The following IL1RAPL2 variants were observed in gnomAD, a reference collection of about 807,000 sequenced individuals.
The protein encoded by IL1RAPL2 is X-linked interleukin-1 receptor accessory protein-like 2.
IL1RAPL2 carries 3 observed loss-of-function variants against 44.1 expected under a neutral mutation model. That is an observed-to-expected ratio of 0.07 (90% confidence interval 0.03 to 0.18). The LOEUF (loss-of-function observed/expected upper bound fraction) is 0.18, where lower values mean the gene tolerates loss of function less well. Ranked by LOEUF, IL1RAPL2 falls within the 10% of genes least tolerant of loss-of-function variation. The pLI, the probability that IL1RAPL2 is intolerant of heterozygous loss-of-function variation, is 1.00. For missense variants in IL1RAPL2, 391 were observed against 496.4 expected, an observed-to-expected ratio of 0.79 and a Z score of 2.02; for synonymous variants, 181 against 178.8, an observed-to-expected ratio of 1.01 and a Z score of -0.10.
intron 6 of IL1RAPL2, among the ~76,000 whole-genome samples, chrX:105,672,378 A>C (rs1027346889): frequency 6.2e-5 from 7 of 112,521 alleles, no homozygotes; most frequent in African/African-American, 2.3e-4. Flanking sequence ...TTCCACTGAC[A>C]GCCAAAGTGA....
chrX:104,952,644 T>G (rs1358360399), intron 2 of IL1RAPL2, among the ~76,000 whole-genome samples: 2 of 111,718 alleles, frequency 1.8e-5, no homozygotes, highest in Admixed American at 1.9e-4. Flanking sequence ...TATACTAGAT[T>G]ATATGGTAGA....
At chrX:104,676,768 G>T (rs1930769919) in intron 2 of IL1RAPL2, among the ~76,000 whole-genome samples, 1 of 111,413 alleles carries the variant, frequency 9.0e-6, no homozygotes, top group Non-Finnish European at 1.9e-5. Flanking sequence ...TTTTCACATA[G>T]TCCCATATTT....
chrX:105,079,775 C>T, intron 2 of IL1RAPL2, among the ~76,000 whole-genome samples: 1 of 111,039 alleles, frequency 9.0e-6, no homozygotes, highest in East Asian at 2.9e-4. Flanking sequence ...GGAATCACCA[C>T]ACTGTCTTCC....
At chrX:105,654,866 A>C (rs1201926567) in intron 6 of IL1RAPL2, among the ~76,000 whole-genome samples, 1 of 111,827 alleles carries the variant, frequency 8.9e-6, no homozygotes, top group Non-Finnish European at 1.9e-5. Flanking sequence ...AAAGAAAATG[A>C]ATTTGGAAAA....
At chrX:104,620,403 G>A (rs758655435) in intron 1 of IL1RAPL2, among the ~76,000 whole-genome samples, 74 of 108,569 alleles carry the variant, frequency 6.8e-4, no homozygotes, top group Non-Finnish European at 8.4e-4. Context: ...ACTTTGGGAG[G>A]CCGAGGCGGG....
At chrX:105,527,436 T>TTGTGTGTGTGTGTGTG (rs10687485) in intron 6 of IL1RAPL2, among the ~76,000 whole-genome samples, 1 of 95,634 alleles carries the variant, frequency 1.0e-5, no homozygotes, top group Non-Finnish European at 2.1e-5. Flanking sequence ...TGAGAGTGTG[T>TTGTGTGTGTGTGTGTG]TGTGTGTGTG....
intron 6 of IL1RAPL2, among the ~76,000 whole-genome samples, chrX:105,659,950 G>T (rs895326249): frequency 9.0e-6 from 1 of 110,922 alleles, no homozygotes. Flanking sequence ...GAGATATTGG[G>T]GTAGAAAGTT....
intron 6 of IL1RAPL2, 93 bp from the exon 7 acceptor site, chrX:105,717,274 C>A: frequency 1.2e-6 from 1 of 837,284 alleles, no homozygotes. Flanking sequence ...ATTGGGTCAC[C>A]TCTGAGTTTT....
At chrX:105,662,758 C>A (rs2037730230) in intron 6 of IL1RAPL2, among the ~76,000 whole-genome samples, 1 of 111,457 alleles carries the variant, frequency 9.0e-6, no homozygotes, top group South Asian at 3.8e-4. Context: ...AGAGGCCTAC[C>A]ATGGTGAGAA....
chrX:105,080,592 C>A (rs1214072138), intron 2 of IL1RAPL2, among the ~76,000 whole-genome samples: 1 of 111,738 alleles, frequency 8.9e-6, no homozygotes, highest in African/African-American at 3.3e-5. Flanking sequence ...TGTTTTGGTA[C>A]CAGTACCATG....
chrX:105,371,198 G>A (rs1301295015), intron 5 of IL1RAPL2, among the ~76,000 whole-genome samples: 3 of 111,738 alleles, frequency 2.7e-5, no homozygotes, highest in Non-Finnish European at 5.6e-5. Context: ...TTATTGTATT[G>A]ACAATTTCTT....
chrX:105,031,422 A>G (rs1332632277), intron 2 of IL1RAPL2, among the ~76,000 whole-genome samples: 3 of 111,657 alleles, frequency 2.7e-5, no homozygotes, highest in South Asian at 3.7e-4. Flanking sequence ...TGTTCCATCA[A>G]TACCTAATTT....
intron 6 of IL1RAPL2, among the ~76,000 whole-genome samples, chrX:105,563,261 T>C (rs763346504): frequency 8.9e-6 from 1 of 112,022 alleles, no homozygotes; most frequent in African/African-American, 3.2e-5. Context: ...AGAAGTTAAC[T>C]TGTCCAAGGA....
intron 2 of IL1RAPL2, among the ~76,000 whole-genome samples, chrX:104,874,167 A>G (rs916439203): frequency 9.1e-6 from 1 of 110,470 alleles, no homozygotes; most frequent in Non-Finnish European, 1.9e-5. Flanking sequence ...ATATACAGAC[A>G]TGAATGTTTT....
rs1420125278 is a variant in IL1RAPL2, at chrX:105,414,461, C to T, written c.698-69852C>T. ...TTTTCTTATTAAAGGCCTTCAATGT[C>T]TTCCCACTATACATGCAATATTCTT... On this transcript the variant is annotated intron_variant, in intron 5 of 10. Coordinates refer to ENST00000372582, the MANE Select transcript of IL1RAPL2 (RefSeq NM_017416.2). Among the ~76,000 whole-genome samples the T allele has an allele frequency of 2.7e-5, 3 of 111,888 alleles. No homozygotes were observed. The Admixed American group carries it at 2.8e-4, about 11-fold the overall frequency.
intron 2 of IL1RAPL2, among the ~76,000 whole-genome samples, chrX:105,188,320 G>T (rs782394468): frequency 3.3e-4 from 37 of 110,958 alleles, no homozygotes; most frequent in South Asian, 7.8e-4. Flanking sequence ...TACAGGGTTT[G>T]GTGGGCAGTG....
At chrX:104,685,696 C>A (rs756202298) in intron 2 of IL1RAPL2, among the ~76,000 whole-genome samples, 1 of 110,890 alleles carries the variant, frequency 9.0e-6, no homozygotes, top group Non-Finnish European at 1.9e-5. Context: ...GTGCAGCACA[C>A]CAACATGGCA....
chrX:105,419,589 G>A (rs751359026), intron 5 of IL1RAPL2, among the ~76,000 whole-genome samples: 1 of 111,969 alleles, frequency 8.9e-6, no homozygotes, highest in South Asian at 3.7e-4. Context: ...AAACACATCC[G>A]CATGAGAAGG....
At chrX:105,191,915 A>C (rs2033636289) in intron 2 of IL1RAPL2, among the ~76,000 whole-genome samples, 1 of 111,436 alleles carries the variant, frequency 9.0e-6, no homozygotes, top group African/African-American at 3.3e-5. Context: ...TTATCAAATC[A>C]CCTGTGGGAG....
Sources: allele counts gnomAD v4.1 joint callset (sites outside exome capture counted in the v4.1 genomes callset), GRCh38; gene constraint gnomAD v4.1.1; transcripts MANE v1.5; gene names NCBI Gene and HGNC (gene_info 2026-07-23, HGNC 2026-07-21).